The following CTNNAL1 variants were observed in gnomAD, a reference collection of about 807,000 sequenced individuals.
The protein encoded by CTNNAL1 is alpha-catulin.
Under a neutral mutation model 93.6 loss-of-function variants are expected in CTNNAL1, and 69 were observed. The observed-to-expected ratio is 0.74, with a 90% CI of 0.61 to 0.90. The LOEUF is 0.90. Among genes scored for constraint, CTNNAL1 ranks in the 40% least tolerant of loss-of-function variants. The pLI, the probability that CTNNAL1 is intolerant of heterozygous loss-of-function variation, is 0.00. For missense variants in CTNNAL1, 836 were observed against 862.0 expected, an observed-to-expected ratio of 0.97 and a Z score of 0.38; for synonymous variants, 286 against 305.4, an observed-to-expected ratio of 0.94 and a Z score of 0.66.
Position 108,983,202 on chromosome 9 carries a change from C to T in CTNNAL1, c.843G>A (p.Pro281=), listed in dbSNP as rs151311247. The change falls in exon 6 of 19, where the codon CCG becomes CCA. Residue 281 remains proline (P), a synonymous_variant. Transcript: ENST00000325551. ...TAGATGAAATGTCAGTCTCTCCATT[C>T]GGTTTACAGTCAGTCACAATTTCAA... ...KVIEIVTDCK[P]NGETDISSIS... 4.8e-4 allele frequency: 754 copies of T among 1,580,758 alleles called. 2 individuals are homozygous for T. Among genetic ancestry groups the T allele is most frequent in the Non-Finnish European group, 5.6e-4 (656 of 1,163,226 alleles).
At chr9:108,991,227 C>A (rs554003682) in intron 3 of CTNNAL1, among the ~76,000 whole-genome samples, 1 of 152,274 alleles carries the variant, frequency 6.6e-6, no homozygotes, top group South Asian at 2.1e-4. Context: ...TCAGCACACA[C>A]AAGCTTTAAG....
chr9:108,990,868 T>C (rs748754904), intron 3 of CTNNAL1, 23 bp from the exon 4 acceptor site: 2 of 1,604,636 alleles, frequency 1.2e-6, no homozygotes, highest in Non-Finnish European at 1.7e-6. Context: ...TAATAATTCA[T>C]TATTTGGTGA....
intron 4 of CTNNAL1, among the ~76,000 whole-genome samples, chr9:108,987,184 C>A (rs1487409646): frequency 6.6e-6 from 1 of 152,002 alleles, no homozygotes; most frequent in Non-Finnish European, 1.5e-5. Flanking sequence ...AGTCTTTAAT[C>A]CGTCTTGAAT....
chr9:109,013,094 C>T (rs999644731), intron 1 of CTNNAL1, among the ~76,000 whole-genome samples: 4 of 152,196 alleles, frequency 2.6e-5, no homozygotes, highest in Non-Finnish European at 4.4e-5. Flanking sequence ...TCCACTCAAC[C>T]CTGCCGCCGG....
intron 4 of CTNNAL1, among the ~76,000 whole-genome samples, chr9:108,987,354 T>C (rs1359968753): frequency 6.6e-6 from 1 of 152,162 alleles, no homozygotes; most frequent in African/African-American, 2.4e-5. Context: ...TGCAGCATTA[T>C]TTCTGAGGGC....
intron 1 of CTNNAL1, among the ~76,000 whole-genome samples, chr9:109,002,700 A>G (rs1460179937): frequency 6.6e-6 from 1 of 152,130 alleles, no homozygotes; most frequent in African/African-American, 2.4e-5. Context: ...TTCCTTCTCC[A>G]TGCCGTGCAT....
At chr9:108,957,717 G>A (rs555215659) in intron 11 of CTNNAL1, among the ~76,000 whole-genome samples, 4 of 152,176 alleles carry the variant, frequency 2.6e-5, no homozygotes, top group African/African-American at 9.6e-5. Flanking sequence ...ATAGTCTTCC[G>A]GTCACTCAGA....
chr9:108,942,608 A>T lies in CTNNAL1; in HGVS notation c.*161T>A. 1 of 590,796 alleles carries T rather than the reference A, an allele frequency of 1.7e-6. No homozygotes were observed. Among genetic ancestry groups the T allele is most frequent in the East Asian group, 2.8e-5 (1 of 35,604 alleles). 36.6% of individuals were successfully genotyped at this position (590,796 alleles called of 1,614,324 possible). ...TTACCAAGACATTTATTAGTTGTCA[A>T]AAAGCTTTACAATCAGTTTCATGAT... On this transcript the variant is annotated 3_prime_UTR_variant, in exon 19 of 19. Coordinates refer to ENST00000325551, the MANE Select transcript of CTNNAL1 (RefSeq NM_003798.4).
intron 11 of CTNNAL1, among the ~76,000 whole-genome samples, chr9:108,964,575 A>G (rs1830905722): frequency 6.6e-6 from 1 of 152,310 alleles, no homozygotes; most frequent in South Asian, 2.1e-4. Flanking sequence ...AGAAATACCA[A>G]TGAACTTACC....
intron 10 of CTNNAL1, among the ~76,000 whole-genome samples, chr9:108,969,992 T>C (rs1329770612): frequency 1.3e-5 from 2 of 152,202 alleles, no homozygotes; most frequent in African/African-American, 2.4e-5. Context: ...TTGTAAGTAA[T>C]GTCATAACAT....
chr9:108,976,976 C>A lies in CTNNAL1; in HGVS notation c.1174G>T (p.Glu392Ter), dbSNP rs867338684. Reference sequence around the variant, plus strand: ...ACTATACTTACTTCTTTCTTAAGTTCATTAAGACTGTGACTGATTTTCAAA... The same window carrying A: ...ACTATACTTACTTCTTTCTTAAGTTAATTAAGACTGTGACTGATTTTCAAA... ...SILKISHSLN[E>*]LKKELHSTAT... Residue 392 changes from glutamate to a stop codon, truncating the protein, a stop_gained, in exon 8 of 19, where the codon GAA becomes TAA. Coordinates refer to ENST00000325551, the MANE Select transcript of CTNNAL1 (RefSeq NM_003798.4). LOFTEE classifies it high-confidence loss of function. 4 of 1,459,052 alleles carry A rather than the reference C, an allele frequency of 2.7e-6. No homozygotes were observed. In the African/African-American group the frequency reaches 5.8e-5, roughly 21 times the overall value. The allele number at this position is 1,459,052 out of a possible 1,614,324, so 90.4% of individuals were successfully genotyped here. A position where few individuals can be genotyped will look rare whatever the true frequency, so the allele number is the denominator to read the frequency against.
chr9:108,976,982 G>A lies in CTNNAL1; in HGVS notation c.1168C>T (p.Leu390Phe), dbSNP rs1490938120. ...CTTACTTCTTTCTTAAGTTCATTAA[G>A]ACTGTGACTGATTTTCAAAATACTG... Reference protein sequence around the residue: ...ELSILKISHSLNELKKELHST... With the variant: ...ELSILKISHSFNELKKELHST... The change falls in exon 8 of 19, where the codon CTT becomes TTT. Residue 390 changes from leucine (L) to phenylalanine (F), a missense_variant. Coordinates refer to ENST00000325551, the MANE Select transcript of CTNNAL1 (RefSeq NM_003798.4). 6.7e-7 allele frequency: 1 copy of A among 1,489,820 alleles called. No individual in the cohort carries two copies. Among genetic ancestry groups the A allele is most frequent in the Non-Finnish European group, 9.0e-7 (1 of 1,109,714 alleles). 92.3% of individuals were successfully genotyped at this position (1,489,820 alleles called of 1,614,324 possible). A position where few individuals can be genotyped will look rare whatever the true frequency, so the allele number is the denominator to read the frequency against.
At chr9:108,964,394 G>A (rs1260525880) in intron 11 of CTNNAL1, among the ~76,000 whole-genome samples, 2 of 151,760 alleles carry the variant, frequency 1.3e-5, no homozygotes, top group Non-Finnish European at 2.9e-5. Context: ...AAAAAAATAA[G>A]CAAGCTTTGA....
intron 15 of CTNNAL1, among the ~76,000 whole-genome samples, chr9:108,947,185 C>T (rs1039431072): frequency 6.7e-6 from 1 of 149,800 alleles, no homozygotes; most frequent in African/African-American, 2.5e-5. Flanking sequence ...GTGATCTCAG[C>T]TCACTGCAAG....
chr9:108,985,632 C>G (rs917511286), intron 4 of CTNNAL1, among the ~76,000 whole-genome samples: 1 of 152,190 alleles, frequency 6.6e-6, no homozygotes, highest in African/African-American at 2.4e-5. Flanking sequence ...CAGATCACAT[C>G]CCAAAGAACT....
At chr9:108,987,713 G>T (rs1198766777) in intron 4 of CTNNAL1, among the ~76,000 whole-genome samples, 5 of 152,118 alleles carry the variant, frequency 3.3e-5, no homozygotes, top group African/African-American at 1.2e-4. Context: ...ATTGAGCAGT[G>T]GTTTGTAGTT....
intron 2 of CTNNAL1, 56 bp from the exon 3 acceptor site, chr9:108,992,875 C>T (rs1315054958): frequency 6.6e-7 from 1 of 1,525,510 alleles, no homozygotes; most frequent in African/African-American, 1.4e-5. Context: ...AAAATCTAGA[C>T]TTCTCTCTAA....
intron 1 of CTNNAL1, among the ~76,000 whole-genome samples, chr9:109,009,739 T>C (rs1285482912): frequency 6.6e-6 from 1 of 152,232 alleles, no homozygotes; most frequent in Middle Eastern, 3.2e-3. Context: ...CTTGCTGAAA[T>C]TTTCATGGAA....
intron 5 of CTNNAL1, among the ~76,000 whole-genome samples, 174 bp from the exon 6 acceptor site, chr9:108,983,489 G>T (rs188384397): frequency 6.6e-6 from 1 of 152,126 alleles, no homozygotes; most frequent in Non-Finnish European, 1.5e-5. Context: ...AGTAAAAAGC[G>T]ATAGCAAGGT....
Sources: gnomAD v4.1 joint callset for allele counts (sites outside exome capture counted in the v4.1 genomes callset) on GRCh38, gnomAD v4.1.1 for gene constraint, MANE v1.5 for transcripts, NCBI Gene and HGNC (gene_info 2026-07-23, HGNC 2026-07-21) for gene names.